The following CTNND2 variants were observed in gnomAD, a reference collection of about 807,000 sequenced individuals.
CTNND2 encodes the protein catenin delta 2.
In CTNND2, 22 loss-of-function variants were observed where a neutral mutation model predicts 144.4. The observed-to-expected ratio is 0.15, with a 90% CI of 0.11 to 0.22. CTNND2 has a LOEUF of 0.22. CTNND2 is among the 10% of genes least tolerant of loss of function. The probability of loss-of-function intolerance (pLI) is 1.00; values close to 1 mark genes in which losing one functional copy is unlikely to be tolerated. For synonymous variants in CTNND2, 751 were observed against 695.6 expected (o/e 1.08, Z -1.25); for missense variants, 1,353 against 1,618.8 (o/e 0.84, Z 2.82).
intron 12 of CTNND2, among the ~76,000 whole-genome samples, chr5:11,149,297 A>G (rs1006141598): frequency 5.3e-5 from 8 of 152,192 alleles, no homozygotes; most frequent in African/African-American, 1.9e-4. Flanking sequence ...ATGTGTTTAT[A>G]TAAATTAGTC....
chr5:11,346,735 G>T (rs1754834050), intron 8 of CTNND2, 108 bp from the exon 9 acceptor site: 9 of 1,033,958 alleles, frequency 8.7e-6, no homozygotes, highest in South Asian at 8.0e-5. Flanking sequence ...AAAAATAGGG[G>T]GTTCAAAAGA....
chr5:11,272,922 G>A (rs540273433), intron 9 of CTNND2, among the ~76,000 whole-genome samples: 1 of 152,260 alleles, frequency 6.6e-6, no homozygotes, highest in Admixed American at 6.5e-5. Context: ...CAACCTGTAA[G>A]CTAAAAGGTT....
At chr5:11,668,873 A>G (rs943327609) in intron 2 of CTNND2, among the ~76,000 whole-genome samples, 3 of 151,924 alleles carry the variant, frequency 2.0e-5, no homozygotes, top group African/African-American at 7.3e-5. Flanking sequence ...CCAGTTTTTG[A>G]CCATTCAGTA....
intron 2 of CTNND2, among the ~76,000 whole-genome samples, chr5:11,642,096 A>G (rs1475982802): frequency 6.6e-6 from 1 of 152,156 alleles, no homozygotes; most frequent in Non-Finnish European, 1.5e-5. Flanking sequence ...GTGAAAAAAG[A>G]AAACCCACGG....
chr5:11,529,635 C>A (rs936817497), intron 3 of CTNND2, among the ~76,000 whole-genome samples: 1 of 152,206 alleles, frequency 6.6e-6, no homozygotes, highest in Admixed American at 6.5e-5. Flanking sequence ...GGATTTACTA[C>A]ATCTTTAGCA....
At chr5:11,887,641 G>A (rs1736654661) in intron 1 of CTNND2, among the ~76,000 whole-genome samples, 1 of 152,016 alleles carries the variant, frequency 6.6e-6, no homozygotes. Context: ...GACCAGTATT[G>A]ATACATTATT....
intron 1 of CTNND2, among the ~76,000 whole-genome samples, chr5:11,858,181 T>C (rs967090884): frequency 2.6e-5 from 4 of 152,250 alleles, no homozygotes; most frequent in Non-Finnish European, 5.9e-5. Context: ...ATGTTTCTTC[T>C]TATCAATCCC....
At chr5:11,536,862 A>G (rs1774259003) in intron 3 of CTNND2, among the ~76,000 whole-genome samples, 1 of 152,214 alleles carries the variant, frequency 6.6e-6, no homozygotes, top group African/African-American at 2.4e-5. Flanking sequence ...TCTGCTCCCT[A>G]GAAACCTATT....
intron 11 of CTNND2, among the ~76,000 whole-genome samples, chr5:11,197,986 C>T (rs1168769455): frequency 1.3e-5 from 2 of 152,216 alleles, no homozygotes; most frequent in African/African-American, 4.8e-5. Flanking sequence ...GTCTTCCTTT[C>T]TCGTGGCTTC....
intron 1 of CTNND2, among the ~76,000 whole-genome samples, chr5:11,887,482 G>C (rs1355518437): frequency 6.7e-6 from 1 of 150,232 alleles, no homozygotes; most frequent in East Asian, 2.0e-4. Context: ...TCCCTTTACA[G>C]AGATCTTTAA....
At chr5:11,541,664 G>A (rs903769045) in intron 3 of CTNND2, among the ~76,000 whole-genome samples, 5 of 152,110 alleles carry the variant, frequency 3.3e-5, no homozygotes, top group African/African-American at 9.7e-5. Context: ...TCTTTGCTAA[G>A]GGAACATTTA....
chr5:11,309,964 T>C (rs2150047797), intron 9 of CTNND2, among the ~76,000 whole-genome samples: 1 of 152,254 alleles, frequency 6.6e-6, no homozygotes, highest in East Asian at 1.9e-4. Flanking sequence ...GCCATTATTG[T>C]AAGTTTCCTG....
chr5:11,046,249 G>A (rs1745234811), intron 16 of CTNND2, among the ~76,000 whole-genome samples: 1 of 152,176 alleles, frequency 6.6e-6, no homozygotes, highest in South Asian at 2.1e-4. Context: ...ACAGAAAGGG[G>A]AAATTTGGAT....
chr5:11,238,487 CTCTT>C (rs1741874018), intron 9 of CTNND2, among the ~76,000 whole-genome samples: 1 of 152,244 alleles, frequency 6.6e-6, no homozygotes, highest in Non-Finnish European at 1.5e-5. Context: ...TTAACCTCTT[CTCTT>C]TATCTTTCCT....
intron 1 of CTNND2, among the ~76,000 whole-genome samples, chr5:11,749,142 C>T (rs1480604111): frequency 6.6e-6 from 1 of 151,894 alleles, no homozygotes; most frequent in African/African-American, 2.4e-5. Flanking sequence ...TCTTCCAGTC[C>T]CAGGCCTGCT....
At chr5:11,406,379 C>T (rs1293338324) in intron 5 of CTNND2, among the ~76,000 whole-genome samples, 1 of 152,066 alleles carries the variant, frequency 6.6e-6, no homozygotes, top group East Asian at 1.9e-4. Flanking sequence ...AAGAAAACAG[C>T]CCTTTTTCCC....
Position 11,022,939 on chromosome 5 carries a change from T to G in CTNND2, c.2829A>C (p.Gly943=). ...TTGCAGTGTTGTTGCTGTTGTTCCC[T>G]CCTGGAAGCCTGTGGACTAGGTCTC... is the stretch of plus-strand genomic sequence containing the variant. ...AMRDLVHRLP[G]GNNSNNTASK... is the part of the protein sequence containing the mutation. Residue 943 remains glycine, a synonymous_variant, in exon 17 of 22, where the codon GGA becomes GGC. Coordinates refer to ENST00000304623, the MANE Select transcript of CTNND2 (RefSeq NM_001332.4). The G allele has an allele frequency of 6.2e-7, 1 of 1,614,174 alleles. No individual in the cohort carries two copies. The highest frequency in any genetic ancestry group is 8.5e-7 in the Non-Finnish European group (1 of 1,180,030).
intron 1 of CTNND2, among the ~76,000 whole-genome samples, chr5:11,888,543 G>A (rs1006784633): frequency 3.3e-5 from 5 of 152,060 alleles, no homozygotes; most frequent in African/African-American, 1.2e-4. Flanking sequence ...ACCAAATGAA[G>A]AATTTCAGGG....
chr5:11,467,565 T>C (rs1252431397), intron 3 of CTNND2, among the ~76,000 whole-genome samples: 4 of 152,218 alleles, frequency 2.6e-5, no homozygotes, highest in African/African-American at 4.8e-5. Context: ...TTTTGTTTGT[T>C]TTCTCTAGGG....
Sources: gnomAD v4.1 joint callset for allele counts (sites outside exome capture counted in the v4.1 genomes callset) on GRCh38, gnomAD v4.1.1 for gene constraint, MANE v1.5 for transcripts, NCBI Gene and HGNC (gene_info 2026-07-23, HGNC 2026-07-21) for gene names.